The following HDAC9 variants were observed in gnomAD, a reference collection of about 807,000 sequenced individuals.
The protein encoded by HDAC9 is MEF-2 interacting transcription repressor (MITR) protein.
In HDAC9, 41 loss-of-function variants were observed where a neutral mutation model predicts 139.4. That is an observed-to-expected ratio of 0.29 (90% CI 0.23 to 0.38). The LOEUF is 0.38. HDAC9 is among the 10% of genes least tolerant of loss of function. The probability of loss-of-function intolerance (pLI) is 1.00; values close to 1 mark genes in which losing one functional copy is unlikely to be tolerated. For missense variants in HDAC9, 1,147 were observed against 1,297.0 expected, an observed-to-expected ratio of 0.88 and a Z score of 1.78; for synonymous variants, 517 against 476.2, an observed-to-expected ratio of 1.09 and a Z score of -1.12.
intron 1 of HDAC9, among the ~76,000 whole-genome samples, chr7:18,407,360 T>G (rs1788108523): frequency 6.6e-6 from 1 of 152,212 alleles, no homozygotes; most frequent in African/African-American, 2.4e-5. Context: ...CAGGGACAAA[T>G]AATGTTGCAC....
chr7:18,554,742 A>G (rs1165842735), intron 2 of HDAC9, among the ~76,000 whole-genome samples: 1 of 152,120 alleles, frequency 6.6e-6, no homozygotes, highest in East Asian at 1.9e-4. Context: ...CCATCAAGAT[A>G]AACTAAATTG....
At chr7:18,711,876 C>T (rs1227349607) in intron 12 of HDAC9, among the ~76,000 whole-genome samples, 2 of 151,892 alleles carry the variant, frequency 1.3e-5, no homozygotes, top group African/African-American at 2.4e-5. Flanking sequence ...ACACTTTGTT[C>T]GGGGCTGTCC....
upstream of HDAC9, among the ~76,000 whole-genome samples, chr7:18,285,902 G>A (rs1401942803): frequency 6.6e-6 from 1 of 151,992 alleles, no homozygotes; most frequent in African/African-American, 2.4e-5. Context: ...GACTAAATTT[G>A]GGATGCATCT....
At chr7:18,783,025 C>G (rs969543454) in intron 16 of HDAC9, among the ~76,000 whole-genome samples, 1 of 152,004 alleles carries the variant, frequency 6.6e-6, no homozygotes, top group Non-Finnish European at 1.5e-5. Context: ...AGGATTTGCC[C>G]AAAGCTTGCT....
At chr7:18,096,503 G>GA (rs897160394) in intron 1 of HDAC9, among the ~76,000 whole-genome samples, 36 of 151,170 alleles carry the variant, frequency 2.4e-4, no homozygotes, top group African/African-American at 5.3e-4. Context: ...TCCCAAAATG[G>GA]AAAAAAAAAT....
At chr7:18,946,839 T>A (rs973684560) in intron 23 of HDAC9, among the ~76,000 whole-genome samples, 2 of 152,136 alleles carry the variant, frequency 1.3e-5, no homozygotes, top group East Asian at 1.9e-4. Context: ...GGAGTATATA[T>A]CCCCTAACAT....
chr7:18,153,901 C>G (rs1786975619), intron 1 of HDAC9, among the ~76,000 whole-genome samples: 1 of 152,164 alleles, frequency 6.6e-6, no homozygotes, highest in African/African-American at 2.4e-5. Flanking sequence ...AGGGGCACAT[C>G]TGCTTGTGCC....
chr7:18,846,751 CA>C (rs1796933565), intron 21 of HDAC9, among the ~76,000 whole-genome samples: 2 of 152,190 alleles, frequency 1.3e-5, no homozygotes, highest in South Asian at 4.2e-4. Context: ...TCACTAGAGG[CA>C]GGGGGGCAAC....
At chr7:18,416,735 G>T (rs573186305) in intron 1 of HDAC9, among the ~76,000 whole-genome samples, 87 of 152,160 alleles carry the variant, frequency 5.7e-4, no homozygotes, top group African/African-American at 2.0e-3. Flanking sequence ...AGAATTTGTA[G>T]TAATTAATGT....
intron 1 of HDAC9, among the ~76,000 whole-genome samples, chr7:18,365,919 G>A (rs1784141873): frequency 6.6e-6 from 1 of 150,376 alleles, no homozygotes; most frequent in Non-Finnish European, 1.5e-5. Context: ...TTCTTCTGCT[G>A]GTTACTTTTA....
chr7:18,175,323 A>G (rs1788801508), intron 2 of HDAC9, among the ~76,000 whole-genome samples: 1 of 152,164 alleles, frequency 6.6e-6, no homozygotes, highest in Admixed American at 6.5e-5. Context: ...AAAACGCAGT[A>G]TTTGGTTGGG....
intron 24 of HDAC9, among the ~76,000 whole-genome samples, chr7:18,965,972 G>A (rs1369582488): frequency 2.0e-5 from 3 of 152,060 alleles, no homozygotes; most frequent in Non-Finnish European, 4.4e-5. Flanking sequence ...GTTTATGTCT[G>A]TTGTCTCAAC....
rs1831012271 is a variant in HDAC9 at position 18,591,625 on chromosome 7, T to C, written c.525T>C (p.His175=). 6.2e-7 allele frequency: 1 copy of C among 1,613,254 alleles called. No homozygotes were observed. The highest frequency in any genetic ancestry group is 1.3e-5 in the African/African-American group (1 of 74,858). The part of the protein sequence containing the change: ...TNGKNHSVSR[H]PKLWYTAAHH... ...GAAAAAATCATTCCGTGAGCCGCCA[T>C]CCCAAGCTCTGGTACACGTATGTTC... is the stretch of plus-strand genomic sequence containing the variant. The change falls in exon 5 of 26, where the codon CAT becomes CAC. Residue 175 remains histidine, a synonymous_variant. Coordinates refer to ENST00000686413, the MANE Select transcript of HDAC9 (RefSeq NM_178425.4).
chr7:18,496,091 C>T, intron 1 of HDAC9, 68 bp downstream of exon 1: 3 of 1,415,338 alleles, frequency 2.1e-6, no homozygotes, highest in Non-Finnish European at 2.8e-6. Flanking sequence ...GAAAGGAAAT[C>T]ATTGTCGAAG....
chr7:18,720,681 T>C (rs1785076764), intron 12 of HDAC9, among the ~76,000 whole-genome samples: 1 of 151,706 alleles, frequency 6.6e-6, no homozygotes, highest in African/African-American at 2.4e-5. Flanking sequence ...CTTTTTTTTT[T>C]TTCTTTTCTT....
At chr7:18,585,051 G>T (rs1296859352) in intron 2 of HDAC9, among the ~76,000 whole-genome samples, 1 of 152,148 alleles carries the variant, frequency 6.6e-6, no homozygotes, top group Non-Finnish European at 1.5e-5. Context: ...AATTGTGGAG[G>T]ATTCATGGCA....
At chr7:18,895,863 A>T (rs781435484) in intron 22 of HDAC9, among the ~76,000 whole-genome samples, 12 of 152,138 alleles carry the variant, frequency 7.9e-5, no homozygotes, top group Admixed American at 1.3e-4. Flanking sequence ...GCTTAGTAAC[A>T]ATAAGTCATT....
chr7:18,489,871 T>G (rs932329460), intron 1 of HDAC9, among the ~76,000 whole-genome samples: 1 of 151,894 alleles, frequency 6.6e-6, no homozygotes, highest in African/African-American at 2.4e-5. Context: ...TGGAAAACAC[T>G]CAGAAAAAAA....
intron 21 of HDAC9, among the ~76,000 whole-genome samples, chr7:18,869,588 T>C (rs984673306): frequency 2.0e-5 from 3 of 151,250 alleles, no homozygotes; most frequent in African/African-American, 7.3e-5. Flanking sequence ...AACAGACTAA[T>C]AAAGAGACTG....
Sources: allele counts gnomAD v4.1 joint callset (sites outside exome capture counted in the v4.1 genomes callset), GRCh38; gene constraint gnomAD v4.1.1; transcripts MANE v1.5; gene names NCBI Gene and HGNC (gene_info 2026-07-23, HGNC 2026-07-21).